Variants in GTF2A1L observed in about 807,000 individuals in gnomAD.
GTF2A1L encodes general transcription factor IIA subunit 1 like, also known as TFIIA-alpha and beta-like factor.
Under a neutral mutation model 49.7 loss-of-function variants are expected in GTF2A1L, and 48 were observed. That is an observed-to-expected ratio of 0.97 (90% CI 0.77 to 1.23). GTF2A1L has a LOEUF of 1.23. Among genes scored for constraint, GTF2A1L ranks in the 50% most tolerant of loss-of-function variants. The pLI is 0.00. For missense variants in GTF2A1L, 736 were observed against 564.8 expected (o/e 1.30, Z -3.07); for synonymous variants, 246 against 193.5 (o/e 1.27, Z -2.25).
At chr2:48,653,113 C>T (rs1433308190) in intron 6 of GTF2A1L, among the ~76,000 whole-genome samples, 2 of 147,624 alleles carry the variant, frequency 1.4e-5, no homozygotes, top group East Asian at 2.1e-4. Context: ...CCCAGCTACT[C>T]GGGAGGCTGA....
chr2:48,628,338 A>T (rs1258851647), intron 3 of GTF2A1L, among the ~76,000 whole-genome samples: 2 of 144,440 alleles, frequency 1.4e-5, no homozygotes, highest in African/African-American at 4.9e-5. Flanking sequence ...TTACATTCCC[A>T]CCAACAGTGT....
rs1373873598 is a variant in GTF2A1L at position 48,622,832 on chromosome 2, T to C, written c.247+1542T>C. Among the ~76,000 whole-genome samples the C allele has an allele frequency of 3.0e-5, 4 of 132,220 alleles. No homozygotes were observed. In the East Asian group the frequency reaches 9.0e-4, roughly 30 times the overall value. 86.7% of individuals were successfully genotyped at this position (132,220 alleles called of 152,430 possible). ...CTGGGCGACACAGTGAGACTCCATC[T>C]TAAAAAAAAAAAAAAAAAGCATGGT... is the stretch of plus-strand genomic sequence containing the variant. On this transcript the variant is annotated intron_variant, in intron 3 of 8. Coordinates refer to ENST00000403751, the MANE Select transcript of GTF2A1L (RefSeq NM_006872.5).
chr2:48,658,510 T>C (rs1159592992), intron 6 of GTF2A1L, among the ~76,000 whole-genome samples: 1 of 152,196 alleles, frequency 6.6e-6, no homozygotes, highest in African/African-American at 2.4e-5. Flanking sequence ...TGTAGCCTTA[T>C]AATATGGGTT....
At chr2:48,619,495 TAAA>T (rs201916228) in intron 1 of GTF2A1L, among the ~76,000 whole-genome samples, 24 of 148,918 alleles carry the variant, frequency 1.6e-4, no homozygotes, top group African/African-American at 4.7e-4. Flanking sequence ...ATAATAATAA[TAAA>T]AAAAAAGCAC....
At chr2:48,627,574 C>T (rs1676355068) in intron 3 of GTF2A1L, among the ~76,000 whole-genome samples, 1 of 143,776 alleles carries the variant, frequency 7.0e-6, no homozygotes, top group Non-Finnish European at 1.6e-5. Context: ...CAAATACATG[C>T]TGTTAGTTTT....
At chr2:48,617,930 G>C in intron 1 of GTF2A1L, 35 bp downstream of exon 1, 1 of 1,549,000 alleles carries the variant, frequency 6.5e-7, no homozygotes, top group Non-Finnish European at 8.7e-7. Context: ...TAGAGGGAGC[G>C]CCCTGGGACT....
chr2:48,632,025 A>G (rs550144749), intron 3 of GTF2A1L, among the ~76,000 whole-genome samples: 55 of 152,168 alleles, frequency 3.6e-4, no homozygotes, highest in South Asian at 2.7e-3. Context: ...TTTGCTTCCA[A>G]CTGTTATTAG....
At chr2:48,648,115 G>T (rs1253217233) in intron 6 of GTF2A1L, among the ~76,000 whole-genome samples, 1 of 151,946 alleles carries the variant, frequency 6.6e-6, no homozygotes, top group Non-Finnish European at 1.5e-5. Flanking sequence ...GAAACTATTT[G>T]GCCTGTTTTA....
At chr2:48,648,144 T>C (rs1677640963) in intron 6 of GTF2A1L, among the ~76,000 whole-genome samples, 1 of 152,192 alleles carries the variant, frequency 6.6e-6, no homozygotes, top group South Asian at 2.1e-4. Context: ...CAGATATTTA[T>C]TGAAACCTGT....
intron 1 of GTF2A1L, 127 bp downstream of exon 1, chr2:48,618,022 A>T: frequency 1.0e-6 from 1 of 975,264 alleles, no homozygotes; most frequent in Non-Finnish European, 1.5e-6. Flanking sequence ...TCTCTTCCTT[A>T]GGGGCTGGGG....
intron 6 of GTF2A1L, among the ~76,000 whole-genome samples, chr2:48,649,641 C>T (rs1338983327): frequency 2.0e-5 from 3 of 152,290 alleles, no homozygotes; most frequent in East Asian, 1.9e-4. Context: ...ACACTGGCAC[C>T]GTGGTAAATG....
intron 6 of GTF2A1L, among the ~76,000 whole-genome samples, chr2:48,658,914 A>T (rs1401661274): frequency 2.0e-5 from 3 of 151,922 alleles, no homozygotes; most frequent in African/African-American, 7.2e-5. Context: ...GCTTGCTTGT[A>T]TGAAAAAGCT....
At position 48,646,957 on chromosome 2, in the gene GTF2A1L, T is replaced by C. The variant is rs747546164; in HGVS notation, c.893T>C (p.Ile298Thr). ...CACGTGACTGATATTCAGCTTCATATTCTTAAAAATAGGATGTATGGATGT... is the reference window on the plus strand; with the variant it reads ...CACGTGACTGATATTCAGCTTCATACTCTTAAAAATAGGATGTATGGATGT... ...HQHVTDIQLH[I>T]LKNRMYGCDS... Residue 298 changes from isoleucine to threonine, a missense_variant, in exon 6 of 9, where the codon ATT becomes ACT. Coordinates refer to ENST00000403751, the MANE Select transcript of GTF2A1L (RefSeq NM_006872.5). The C allele has an allele frequency of 1.2e-6, 2 of 1,614,150 alleles. No homozygotes were observed. Among genetic ancestry groups the C allele is most frequent in the East Asian group, 4.5e-5 (2 of 44,886 alleles).
At chr2:48,664,076 A>G (rs1048236889) in intron 6 of GTF2A1L, among the ~76,000 whole-genome samples, 2 of 152,138 alleles carry the variant, frequency 1.3e-5, no homozygotes, top group East Asian at 1.9e-4. Flanking sequence ...TATGTAGACT[A>G]TAATCTATTT....
Position 48,651,853 on chromosome 2 carries a change from A to G in GTF2A1L, c.978+4811A>G, listed in dbSNP as rs529444518. ...AGGGAGCAAAAGCCCCCTCATAACA[A>G]TTTGATCTAGAGGAGTTCATTGATG... On this transcript the variant is annotated intron_variant, in intron 6 of 8. Coordinates refer to ENST00000403751, the MANE Select transcript of GTF2A1L (RefSeq NM_006872.5). Among the ~76,000 whole-genome samples, 3 of 152,276 alleles carry G rather than the reference A, an allele frequency of 2.0e-5. No homozygotes were observed. The East Asian group carries it at 5.8e-4, about 29-fold the overall frequency.
chr2:48,636,210 GA>G (rs1216378151), intron 3 of GTF2A1L, among the ~76,000 whole-genome samples: 15 of 152,008 alleles, frequency 9.9e-5, no homozygotes. Context: ...GCCACCTGAG[GA>G]AAAAAAGGCT....
intron 3 of GTF2A1L, among the ~76,000 whole-genome samples, chr2:48,630,012 A>C (rs985673060): frequency 4.2e-5 from 6 of 144,390 alleles, no homozygotes; most frequent in African/African-American, 1.2e-4. Context: ...CTGTTTGGTT[A>C]CTATAGACTT....
intron 8 of GTF2A1L, among the ~76,000 whole-genome samples, chr2:48,678,013 T>C (rs1679569386): frequency 6.7e-6 from 1 of 149,002 alleles, no homozygotes; most frequent in South Asian, 2.1e-4. Flanking sequence ...GTGTGTGTAA[T>C]ACACAGTCTT....
chr2:48,671,242 G>A (rs567020798), intron 7 of GTF2A1L, among the ~76,000 whole-genome samples: 12 of 152,004 alleles, frequency 7.9e-5, no homozygotes, highest in African/African-American at 2.2e-4. Context: ...TCGCTCTGTC[G>A]CTCAGGCTTG....
Sources: allele counts gnomAD v4.1 joint callset (sites outside exome capture counted in the v4.1 genomes callset), GRCh38; gene constraint gnomAD v4.1.1; transcripts MANE v1.5; gene names NCBI Gene and HGNC (gene_info 2026-07-23, HGNC 2026-07-21).